Variants in C11orf21 observed in about 807,000 individuals in gnomAD.
C11orf21 encodes the protein uncharacterized protein C11orf21.
A neutral mutation model predicts 15.2 loss-of-function variants in C11orf21; 19 were observed. The observed-to-expected ratio is 1.25, with a 90% CI of 0.87 to 1.84. C11orf21 has a LOEUF of 1.84. Among genes scored for constraint, C11orf21 ranks in the 40% most tolerant of loss-of-function variants. The probability of loss-of-function intolerance (pLI) is 0.00; values close to 1 mark genes in which losing one functional copy is unlikely to be tolerated. For missense variants in C11orf21, 171 were observed against 174.4 expected (o/e 0.98, Z 0.11); for synonymous variants, 62 against 66.8 (o/e 0.93, Z 0.35).
intron 3 of C11orf21, 96 bp downstream of exon 3, chr11:2,299,332 G>A (rs1009283404): frequency 2.3e-6 from 3 of 1,306,556 alleles, no homozygotes; most frequent in African/African-American, 1.5e-5. Flanking sequence ...CTGTGACGCA[G>A]GTGGGAAGCT....
At chr11:2,303,016 G>T, upstream of C11orf21, 2 of 1,492,090 alleles carry the variant, frequency 1.3e-6, no homozygotes, top group South Asian at 2.4e-5. Context: ...AGGGTGGCTG[G>T]CACGAGCCCA....
At chr11:2,302,472 C>A (rs533560037), upstream of C11orf21, among the ~76,000 whole-genome samples, 1 of 152,082 alleles carries the variant, frequency 6.6e-6, no homozygotes, top group Non-Finnish European at 1.5e-5. Context: ...AGGCCTGGGG[C>A]GAGCTGGGGT....
chr11:2,302,114 G>A, upstream of C11orf21: 29 of 1,485,940 alleles, frequency 2.0e-5, no homozygotes, highest in Non-Finnish European at 2.5e-5. Context: ...ACAGGGAGGG[G>A]AAGGGAGGGG....
upstream of C11orf21, chr11:2,301,919 G>A: frequency 6.5e-7 from 1 of 1,529,618 alleles, no homozygotes; most frequent in Non-Finnish European, 8.8e-7. Flanking sequence ...GGGCTGGGCT[G>A]GGGGCACCAG....
At chr11:2,302,043 G>A (rs772487085), upstream of C11orf21, 8 of 1,495,314 alleles carry the variant, frequency 5.4e-6, no homozygotes, top group African/African-American at 1.4e-5. Flanking sequence ...ACAGAGGGGC[G>A]GATGCAGCCT....
At position 2,297,890 on chromosome 11, in the gene C11orf21, C is replaced by G. The variant is rs1318257016; in HGVS notation, c.*60G>C. 4 of 152,238 alleles carry G rather than the reference C, an allele frequency of 2.6e-5. No homozygotes were observed. Among genetic ancestry groups the G allele is most frequent in the African/African-American group, 9.7e-5 (4 of 41,440 alleles). The allele number at this position is 152,238 out of a possible 1,614,324, so 9.4% of individuals were successfully genotyped here. On this transcript the variant is annotated 3_prime_UTR_variant, in exon 4 of 4. Coordinates refer to ENST00000381153, the MANE Select transcript of C11orf21 (RefSeq NM_001329958.2). ...GGCTCTCTTCCTGGCTTACAGATGG[C>G]TGCCTTCTCTCTGTGTCTTCATACA...
At chr11:2,299,105 G>A (rs1159182195) in intron 3 of C11orf21, among the ~76,000 whole-genome samples, 1 of 152,182 alleles carries the variant, frequency 6.6e-6, no homozygotes, top group Non-Finnish European at 1.5e-5. Flanking sequence ...GGCTGCCCAG[G>A]CAGTAGGGGT....
chr11:2,301,754 A>G lies in C11orf21; in HGVS notation c.53+2T>C. On this transcript the variant is annotated splice_donor_variant, in intron 1 of 3. Coordinates refer to ENST00000381153, the MANE Select transcript of C11orf21 (RefSeq NM_001329958.2). LOFTEE classifies it high-confidence loss of function. ...TGCTCACTCCCAGGACGGGGAGCTC[A>G]CCTCCTCCTCCCCGGGCGCCGTCTC... is the stretch of plus-strand genomic sequence containing the variant. 1.4e-5 allele frequency: 22 copies of G among 1,531,982 alleles called. No individual in the cohort carries two copies. The highest frequency in any genetic ancestry group is 1.8e-5 in the Non-Finnish European group (20 of 1,132,244). 94.9% of individuals were successfully genotyped at this position (1,531,982 alleles called of 1,614,324 possible). A position where few individuals can be genotyped will look rare whatever the true frequency, so the allele number is the denominator to read the frequency against.
rs1356370588 is a variant in C11orf21 at position 2,300,510 on chromosome 11, G to C, written c.147+10C>G. 1 of 1,529,254 alleles carries C rather than the reference G, an allele frequency of 6.5e-7. No individual in the cohort carries two copies. The highest frequency in any genetic ancestry group is 2.5e-5 in the East Asian group (1 of 40,684). The allele number at this position is 1,529,254 out of a possible 1,614,324, so 94.7% of individuals were successfully genotyped here. A position where few individuals can be genotyped will look rare whatever the true frequency, so the allele number is the denominator to read the frequency against. ...CTGGTGGGGCACAGTGAGGGGGGCT[G>C]TGGTCAGACCTGGTCTCTGGAGGGC... On this transcript the variant is annotated intron_variant, in intron 2 of 3. Coordinates refer to ENST00000381153, the MANE Select transcript of C11orf21 (RefSeq NM_001329958.2).
At chr11:2,301,719 A>G (rs1473813657) in intron 1 of C11orf21, 37 bp downstream of exon 1, 1 of 1,513,002 alleles carries the variant, frequency 6.6e-7, no homozygotes, top group East Asian at 2.5e-5. Flanking sequence ...CCCAAGGCCC[A>G]GTCCACACTT....
chr11:2,302,902 C>T (rs1400714245), upstream of C11orf21: 1 of 1,613,616 alleles, frequency 6.2e-7, no homozygotes, highest in Admixed American at 1.7e-5. Context: ...GCCCACTTTG[C>T]TGTCATCCGC....
intron 2 of C11orf21, among the ~76,000 whole-genome samples, 163 bp downstream of exon 2, chr11:2,300,357 G>T (rs377065255): frequency 6.0e-5 from 9 of 148,904 alleles, no homozygotes; most frequent in African/African-American, 2.0e-4. Flanking sequence ...GCAGGAGGGT[G>T]TGGGGTGGGC....
At chr11:2,298,894 G>A (rs1299302381) in intron 3 of C11orf21, among the ~76,000 whole-genome samples, 2 of 152,094 alleles carry the variant, frequency 1.3e-5, no homozygotes, top group African/African-American at 2.4e-5. Context: ...GGCTCCTTGG[G>A]GGGGGAAGCA....
chr11:2,298,883 A>G (rs907959265), intron 3 of C11orf21, among the ~76,000 whole-genome samples: 1 of 146,892 alleles, frequency 6.8e-6, no homozygotes, highest in Non-Finnish European at 1.5e-5. Context: ...GGCAGAGCCT[A>G]GGCTCCTTGG....
rs1408284021 is a variant in C11orf21 at position 2,301,528 on chromosome 11, CCT to C, written c.53+226_53+227del. 50 of 482,678 alleles carry C rather than the reference CCT, an allele frequency of 1.0e-4. 1 individual carries two copies. The highest frequency in any genetic ancestry group is 4.0e-4 in the East Asian group (12 of 29,770). The allele number at this position is 482,678 out of a possible 1,614,324, so 29.9% of individuals were successfully genotyped here. ...AGTGTGAGCGAGGCCCCAGCCCACC[CCT>C]GTGGCCCCAAGAAGGCTCTGCGACA... On this transcript the variant is annotated intron_variant, in intron 1 of 3. Coordinates refer to ENST00000381153, the MANE Select transcript of C11orf21 (RefSeq NM_001329958.2).
At chr11:2,302,331 C>T (rs1429027879), upstream of C11orf21, 3 of 1,142,394 alleles carry the variant, frequency 2.6e-6, no homozygotes, top group African/African-American at 1.6e-5. Flanking sequence ...GCCCTACTGT[C>T]CCTGTCCTGC....
At chr11:2,302,114 GA>G, upstream of C11orf21, 1 of 1,485,940 alleles carries the variant, frequency 6.7e-7, no homozygotes, top group Non-Finnish European at 8.9e-7. Context: ...ACAGGGAGGG[GA>G]AGGGAGGGGA....
chr11:2,300,555 AC>A lies in C11orf21; in HGVS notation c.111del (p.Arg37SerfsTer19). On this transcript the variant is annotated frameshift_variant, in exon 2 of 4. Coordinates refer to ENST00000381153, the MANE Select transcript of C11orf21 (RefSeq NM_001329958.2). LOFTEE classifies it high-confidence loss of function. The part of the protein sequence containing the change: ...SSQSGVEPPD[R>X]WTGTPGWPSR... ...GAGGGCCAGCCGGGGGTTCCCGTCC[AC>A]CTGTCAGGGGGTTCGACGCCACTTT... 1 of 1,549,092 alleles carries A rather than the reference AC, an allele frequency of 6.5e-7. No homozygotes were observed. Among genetic ancestry groups the A allele is most frequent in the Non-Finnish European group, 8.7e-7 (1 of 1,146,360 alleles).
At chr11:2,302,296 T>A, upstream of C11orf21, 1 of 1,301,340 alleles carries the variant, frequency 7.7e-7, no homozygotes, top group African/African-American at 1.5e-5. Flanking sequence ...GCACAGGGAT[T>A]ATCCCTCCCC....
Sources: gnomAD v4.1 joint callset for allele counts (sites outside exome capture counted in the v4.1 genomes callset) on GRCh38, gnomAD v4.1.1 for gene constraint, MANE v1.5 for transcripts, NCBI Gene and HGNC (gene_info 2026-07-23, HGNC 2026-07-21) for gene names.